Variants in PPP1R12A observed in about 807,000 individuals in gnomAD.
PPP1R12A encodes myosin binding subunit.
A neutral mutation model predicts 139.6 loss-of-function variants in PPP1R12A; 19 were observed. The observed-to-expected ratio is 0.14, with a 90% CI of 0.09 to 0.20. The LOEUF (loss-of-function observed/expected upper bound fraction) is 0.20, where lower values mean the gene tolerates loss of function less well. PPP1R12A is among the 10% of genes least tolerant of loss of function. The probability of loss-of-function intolerance (pLI) is 1.00; values close to 1 mark genes in which losing one functional copy is unlikely to be tolerated. For missense variants in PPP1R12A, 925 were observed against 1,211.5 expected (o/e 0.76, Z 3.51); for synonymous variants, 427 against 420.6 (o/e 1.02, Z -0.19).
intron 2 of PPP1R12A, among the ~76,000 whole-genome samples, chr12:79,858,184 T>G (rs1364311736): frequency 1.3e-5 from 2 of 152,180 alleles, no homozygotes; most frequent in African/African-American, 2.4e-5. Context: ...AATGAAAATA[T>G]GACAAATTAC....
chr12:79,806,840 T>G (rs973542572), intron 12 of PPP1R12A: 3 of 165,354 alleles, frequency 1.8e-5, no homozygotes, highest in Admixed American at 6.1e-5. Flanking sequence ...ACTACCAACA[T>G]TCCAACTGAA....
intron 9 of PPP1R12A, among the ~76,000 whole-genome samples, chr12:79,814,450 C>T (rs1363387035): frequency 1.6e-5 from 2 of 127,452 alleles, no homozygotes; most frequent in African/African-American, 6.1e-5. Flanking sequence ...GCACTCCAGC[C>T]TGGGCAACAG....
intron 1 of PPP1R12A, among the ~76,000 whole-genome samples, chr12:79,898,275 C>A (rs1244968501): frequency 6.6e-6 from 1 of 152,080 alleles, no homozygotes; most frequent in Non-Finnish European, 1.5e-5. Flanking sequence ...CATGGTGAAA[C>A]CCTGTCTCTA....
At chr12:79,906,614 T>C (rs1044942219) in intron 1 of PPP1R12A, among the ~76,000 whole-genome samples, 1 of 152,028 alleles carries the variant, frequency 6.6e-6, no homozygotes, top group Non-Finnish European at 1.5e-5. Flanking sequence ...TGTATGTATG[T>C]ATGTATGTAT....
intron 14 of PPP1R12A, among the ~76,000 whole-genome samples, chr12:79,798,919 TAGA>T (rs957944071): frequency 1.3e-5 from 2 of 152,098 alleles, no homozygotes; most frequent in African/African-American, 4.8e-5. Context: ...TTGAAAAAAA[TAGA>T]AGGATTTCAT....
chr12:79,916,693 T>C (rs1297693461), intron 1 of PPP1R12A, among the ~76,000 whole-genome samples: 1 of 152,154 alleles, frequency 6.6e-6, no homozygotes, highest in Non-Finnish European at 1.5e-5. Context: ...GTTCATCACA[T>C]CGTCAAGCAG....
chr12:79,921,105 T>A (rs1887400664), intron 1 of PPP1R12A, among the ~76,000 whole-genome samples: 1 of 152,186 alleles, frequency 6.6e-6, no homozygotes, highest in Admixed American at 6.5e-5. Context: ...CAGCACTTAG[T>A]AGTGTCTGGC....
At chr12:79,801,086 C>T (rs1873079931) in intron 14 of PPP1R12A, among the ~76,000 whole-genome samples, 1 of 151,120 alleles carries the variant, frequency 6.6e-6, no homozygotes, top group Non-Finnish European at 1.5e-5. Flanking sequence ...TGGCTCATGC[C>T]TGTAATCCCA....
intron 3 of PPP1R12A, among the ~76,000 whole-genome samples, chr12:79,834,993 G>T (rs1030213692): frequency 3.3e-5 from 5 of 152,170 alleles, no homozygotes; most frequent in Non-Finnish European, 5.9e-5. Flanking sequence ...GCAGTTGAGG[G>T]TGTTTCCAGA....
rs562020341 is a variant in PPP1R12A, at chr12:79,796,261, A to T, written c.2462-502T>A. ...TAGGAATTACTCAGAATTTAAATAG[A>T]AAGTTTATATAAAATAATAGGAAAT... is the stretch of plus-strand genomic sequence containing the variant. On this transcript the variant is annotated intron_variant, in intron 17 of 24. Transcript: ENST00000450142. Among the ~76,000 whole-genome samples, 38 of 149,718 alleles carry T rather than the reference A, an allele frequency of 2.5e-4. 1 individual carries two copies. Among genetic ancestry groups the T allele is most frequent in the African/African-American group, 9.2e-4 (36 of 39,218 alleles).
At chr12:79,905,713 T>A (rs1332316058) in intron 1 of PPP1R12A, among the ~76,000 whole-genome samples, 1 of 152,258 alleles carries the variant, frequency 6.6e-6, no homozygotes, top group Non-Finnish European at 1.5e-5. Context: ...TATGTATTTT[T>A]AATTATGATT....
At chr12:79,783,360 T>C (rs904884524) in intron 22 of PPP1R12A, among the ~76,000 whole-genome samples, 3 of 150,492 alleles carry the variant, frequency 2.0e-5, no homozygotes, top group African/African-American at 4.9e-5. Context: ...CCTAACTACC[T>C]GGGAGGCTAA....
chr12:79,815,680 A>G lies in PPP1R12A; in HGVS notation c.1239+1714T>C, dbSNP rs558014611. Among the ~76,000 whole-genome samples, 50 of 152,262 alleles carry G rather than the reference A, an allele frequency of 3.3e-4. 1 individual carries two copies. The South Asian group carries it at 7.5e-3, about 23-fold the overall frequency. On this transcript the variant is annotated intron_variant, in intron 9 of 24. Coordinates refer to ENST00000450142, the MANE Select transcript of PPP1R12A (RefSeq NM_002480.3). ...GGGTCTTAGAAGTAAAATAAACTTTAATTAAAGCAGTTTATAGTGACGCTA... is the reference window on the plus strand; with the variant it reads ...GGGTCTTAGAAGTAAAATAAACTTTGATTAAAGCAGTTTATAGTGACGCTA...
At chr12:79,932,279 T>TTG (rs1051333684) in intron 1 of PPP1R12A, among the ~76,000 whole-genome samples, 48 of 152,254 alleles carry the variant, frequency 3.2e-4, no homozygotes, top group South Asian at 1.2e-3. Context: ...TAAAATTTTC[T>TTG]TGTGTGTGTG....
At chr12:79,803,925 T>C (rs1873504979) in intron 14 of PPP1R12A, among the ~76,000 whole-genome samples, 1 of 152,136 alleles carries the variant, frequency 6.6e-6, no homozygotes, top group Non-Finnish European at 1.5e-5. Flanking sequence ...GGGTTAAGAA[T>C]CATAATTTGT....
chr12:79,889,366 T>G (rs1884387879), intron 1 of PPP1R12A, among the ~76,000 whole-genome samples: 1 of 152,222 alleles, frequency 6.6e-6, no homozygotes, highest in East Asian at 1.9e-4. Flanking sequence ...GCTCTCACTT[T>G]GCTTCTTTCT....
At chr12:79,835,156 C>T (rs914459802) in intron 3 of PPP1R12A, among the ~76,000 whole-genome samples, 4 of 152,012 alleles carry the variant, frequency 2.6e-5, no homozygotes, top group Non-Finnish European at 4.4e-5. Context: ...ACCTTTTTTC[C>T]TCCTGCTTTT....
At chr12:79,909,884 TAG>T (rs1203160853) in intron 1 of PPP1R12A, among the ~76,000 whole-genome samples, 4 of 152,000 alleles carry the variant, frequency 2.6e-5, no homozygotes, top group Non-Finnish European at 5.9e-5. Context: ...TGTATTTTTG[TAG>T]AGAGAGAGTT....
At chr12:79,892,097 A>C (rs1278906849) in intron 1 of PPP1R12A, among the ~76,000 whole-genome samples, 1 of 152,220 alleles carries the variant, frequency 6.6e-6, no homozygotes, top group African/African-American at 2.4e-5. Context: ...ATGAATGTAT[A>C]AAGTATTCAT....
Sources: gnomAD v4.1 joint callset for allele counts (sites outside exome capture counted in the v4.1 genomes callset) on GRCh38, gnomAD v4.1.1 for gene constraint, MANE v1.5 for transcripts, NCBI Gene and HGNC (gene_info 2026-07-23, HGNC 2026-07-21) for gene names.